Variants in GTF2E2 observed in about 807,000 individuals in gnomAD.
GTF2E2 encodes the protein general transcription factor IIE subunit 2.
GTF2E2 carries 21 observed loss-of-function variants against 40.5 expected under a neutral mutation model. The observed-to-expected ratio is 0.52, with a 90% CI of 0.37 to 0.75. GTF2E2 has a LOEUF of 0.75. GTF2E2 is among the 30% of genes least tolerant of loss of function. GTF2E2 has a pLI of 0.00. For synonymous variants in GTF2E2, 117 were observed against 121.6 expected (o/e 0.96, Z 0.25); for missense variants, 298 against 338.4 (o/e 0.88, Z 0.94).
rs1460196693 is a variant in GTF2E2, at chr8:30,600,359, C to T, written c.643+6698G>A. Among the ~76,000 whole-genome samples the T allele has an allele frequency of 2.0e-5, 3 of 152,066 alleles. No homozygotes were observed. In the East Asian group the frequency reaches 5.8e-4, roughly 29 times the overall value. ...CACCATGGGTACTATTTTATTTTTC[C>T]GATACTAATAATAGTTAACATTACC... is the stretch of plus-strand genomic sequence containing the variant. On this transcript the variant is annotated intron_variant, in intron 6 of 7. Transcript: ENST00000355904.
chr8:30,582,758 G>A (rs1366099414), intron 6 of GTF2E2, among the ~76,000 whole-genome samples: 1 of 152,138 alleles, frequency 6.6e-6, no homozygotes, highest in East Asian at 1.9e-4. Flanking sequence ...GCCCTTCTTG[G>A]GGCACAGTAG....
chr8:30,614,696 T>A lies in GTF2E2; in HGVS notation c.278A>T (p.Asp93Val). 1 of 1,602,860 alleles carries A rather than the reference T, an allele frequency of 6.2e-7. No homozygotes were observed. The highest frequency in any genetic ancestry group is 1.1e-5 in the South Asian group (1 of 90,546). Residue 93 changes from aspartate (D) to valine (V), a missense_variant, in exon 4 of 8, where the codon GAT (aspartate) becomes GTT (valine). By Grantham distance (152) the Asp-to-Val change is radical. Transcript: ENST00000355904. ...NYMKTRHQRG[D>V]THPLTLDEIL... ...TTCATCTAAGGTTAGAGGATGCGTA[T>A]CTCCTCGCTGATGCCGTGTCTATCA...
At chr8:30,651,608 G>C (rs1338607631) in intron 2 of GTF2E2, among the ~76,000 whole-genome samples, 1 of 152,092 alleles carries the variant, frequency 6.6e-6, no homozygotes, top group African/African-American at 2.4e-5. Flanking sequence ...TTTGTAAAAA[G>C]CCATCTATTC....
At chr8:30,627,464 A>C (rs1057351464) in intron 3 of GTF2E2, among the ~76,000 whole-genome samples, 14 of 151,580 alleles carry the variant, frequency 9.2e-5, no homozygotes, top group African/African-American at 3.4e-4. Context: ...AAAAAAAAAA[A>C]AAAAAAACTC....
chr8:30,584,346 A>G (rs758179708), intron 6 of GTF2E2, among the ~76,000 whole-genome samples: 1 of 151,942 alleles, frequency 6.6e-6, no homozygotes, highest in African/African-American at 2.4e-5. Flanking sequence ...ATGGTATTTA[A>G]AAACCAAGAT....
At chr8:30,601,120 C>A (rs1472836039) in intron 6 of GTF2E2, among the ~76,000 whole-genome samples, 1 of 152,150 alleles carries the variant, frequency 6.6e-6, no homozygotes, top group Non-Finnish European at 1.5e-5. Context: ...ACTGGTGGTA[C>A]CTTACCCAAG....
intron 6 of GTF2E2, among the ~76,000 whole-genome samples, chr8:30,594,157 C>T (rs1585942655): frequency 6.6e-6 from 1 of 151,570 alleles, no homozygotes; most frequent in African/African-American, 2.4e-5. Flanking sequence ...GTCTTGAATT[C>T]CTGACCTCAG....
At chr8:30,638,395 G>A (rs568316155) in intron 2 of GTF2E2, among the ~76,000 whole-genome samples, 2 of 152,046 alleles carry the variant, frequency 1.3e-5, no homozygotes, top group African/African-American at 4.8e-5. Flanking sequence ...TCCTATATAG[G>A]AATTTAGCTT....
chr8:30,597,413 C>A (rs923555026), intron 6 of GTF2E2: 3 of 152,212 alleles, frequency 2.0e-5, no homozygotes, highest in Admixed American at 6.5e-5. Flanking sequence ...TTGTAAGCAT[C>A]CAATGAAATC....
At chr8:30,633,635 T>C (rs189130039) in intron 3 of GTF2E2, among the ~76,000 whole-genome samples, 17 of 152,308 alleles carry the variant, frequency 1.1e-4, no homozygotes, top group South Asian at 2.1e-4. Flanking sequence ...CATAGGGAAG[T>C]GAAGACCATA....
At chr8:30,617,081 G>C (rs1800941142) in intron 3 of GTF2E2, among the ~76,000 whole-genome samples, 1 of 151,902 alleles carries the variant, frequency 6.6e-6, no homozygotes, top group Non-Finnish European at 1.5e-5. Context: ...TGTACAAAGA[G>C]ATATGTTATT....
intron 6 of GTF2E2, among the ~76,000 whole-genome samples, chr8:30,587,238 T>TCG (rs1314571049): frequency 6.6e-6 from 1 of 150,940 alleles, no homozygotes; most frequent in Non-Finnish European, 1.5e-5. Flanking sequence ...TAGTGAGACC[T>TCG]CGTCTCTACA....
At chr8:30,616,014 C>G (rs1800908109) in intron 3 of GTF2E2, among the ~76,000 whole-genome samples, 1 of 151,908 alleles carries the variant, frequency 6.6e-6, no homozygotes, top group Non-Finnish European at 1.5e-5. Flanking sequence ...AGCTATCAAG[C>G]TATGAAAAAA....
At position 30,593,291 on chromosome 8, in the gene GTF2E2, C is replaced by T. The variant is rs73574182; in HGVS notation, c.644-12895G>A. 7.8e-3 allele frequency among the ~76,000 whole-genome samples: 1,185 copies of T among 152,280 alleles called. 20 individuals carry two copies. Among genetic ancestry groups the T allele is most frequent in the African/African-American group, 0.027 (1,106 of 41,540 alleles). ...GTCAAATTAGTTGATGGTGCTCTTCCGGACTTCTATATCATAATTTTCCAT... is the reference window on the plus strand; with the variant it reads ...GTCAAATTAGTTGATGGTGCTCTTCTGGACTTCTATATCATAATTTTCCAT... On this transcript the variant is annotated intron_variant, in intron 6 of 7. Coordinates refer to ENST00000355904, the MANE Select transcript of GTF2E2 (RefSeq NM_002095.6).
At chr8:30,654,206 G>A (rs1802383139) in intron 1 of GTF2E2, among the ~76,000 whole-genome samples, 2 of 151,964 alleles carry the variant, frequency 1.3e-5, no homozygotes, top group African/African-American at 2.4e-5. Flanking sequence ...CATGTGAAAT[G>A]TGGCTAGTTA....
At position 30,640,181 on chromosome 8, in the gene GTF2E2, G is replaced by T. The variant is rs34813722; in HGVS notation, c.167-5058C>A. On this transcript the variant is annotated intron_variant, in intron 2 of 7. Coordinates refer to ENST00000355904, the MANE Select transcript of GTF2E2 (RefSeq NM_002095.6). Reference sequence around the variant, plus strand: ...GCCTAAGTTCCAGAGCTTAAATTAAGTGAGTTGCTCTATATTTACAGGCTA... The same window carrying T: ...GCCTAAGTTCCAGAGCTTAAATTAATTGAGTTGCTCTATATTTACAGGCTA... 3.5e-3 allele frequency among the ~76,000 whole-genome samples: 526 copies of T among 152,254 alleles called. 5 individuals are homozygous for T. Among genetic ancestry groups the T allele is most frequent in the African/African-American group, 0.012 (501 of 41,556 alleles).
At chr8:30,580,785 G>A (rs1828495329) in intron 6 of GTF2E2, among the ~76,000 whole-genome samples, 1 of 152,172 alleles carries the variant, frequency 6.6e-6, no homozygotes, top group South Asian at 2.1e-4. Flanking sequence ...AATAAGAAAC[G>A]TGTAGGGAGA....
chr8:30,651,557 C>A (rs1802276766), intron 2 of GTF2E2, among the ~76,000 whole-genome samples: 1 of 152,132 alleles, frequency 6.6e-6, no homozygotes, highest in East Asian at 1.9e-4. Flanking sequence ...GAGTTTGAGA[C>A]CAGCCTGGGC....
intron 5 of GTF2E2, among the ~76,000 whole-genome samples, chr8:30,608,344 C>T (rs1234346683): frequency 6.6e-6 from 1 of 151,786 alleles, no homozygotes; most frequent in Non-Finnish European, 1.5e-5. Flanking sequence ...GATTATCACA[C>T]AGTATTTTGT....
Sources: allele counts gnomAD v4.1 joint callset (sites outside exome capture counted in the v4.1 genomes callset), GRCh38; gene constraint gnomAD v4.1.1; transcripts MANE v1.5; gene names NCBI Gene and HGNC (gene_info 2026-07-23, HGNC 2026-07-21).